Variants in TNS1 observed in about 807,000 individuals in gnomAD.
TNS1 encodes the protein tensin 1.
In TNS1, 62 loss-of-function variants were observed where a neutral mutation model predicts 168.6. The ratio of observed to expected loss-of-function variants is 0.37; its 90% CI spans 0.30 to 0.45. The LOEUF is 0.45. Among genes scored for constraint, TNS1 ranks in the 20% least tolerant of loss-of-function variants. The pLI is 1.00. For missense variants in TNS1, 2,240 were observed against 2,339.4 expected (o/e 0.96, Z 0.88); for synonymous variants, 934 against 933.2 (o/e 1.00, Z -0.02).
chr2:217,817,812 T>C lies in TNS1; in HGVS notation c.4520A>G (p.Asn1507Ser), dbSNP rs1317712411. Residue 1507 changes from asparagine to serine, a missense_variant, in exon 24 of 33, where the codon AAC becomes AGC. By Grantham distance (46) the Asn-to-Ser change is conservative. This residue lies in a region of TNS1 where 2,131 missense variants were observed against 2,171.2 expected (regional missense o/e 0.98). Transcript: ENST00000682258. The part of the protein sequence containing the change: ...SVGDRAGSLP[N>S]YATINGKVSS... ...CACCTTCCCATTGATGGTGGCATAG[T>C]TGGGGAGGCTGCCTGCCCGGTCTCC... The C allele has an allele frequency of 3.1e-6, 5 of 1,614,092 alleles. No individual in the cohort carries two copies. The highest frequency in any genetic ancestry group is 1.3e-5 in the African/African-American group (1 of 74,934).
At chr2:218,031,138 GTGTA>G (rs1303290186) in intron 1 of TNS1, among the ~76,000 whole-genome samples, 2 of 142,316 alleles carry the variant, frequency 1.4e-5, no homozygotes, top group East Asian at 2.0e-4. Flanking sequence ...GTGTGTGTGT[GTGTA>G]TGTGTTGTGT....
upstream of TNS1, among the ~76,000 whole-genome samples, chr2:218,014,967 GT>G (rs1553627433): frequency 6.6e-6 from 1 of 152,076 alleles, no homozygotes; most frequent in Non-Finnish European, 1.5e-5. Context: ...AGCCATTTCT[GT>G]TTCCAAATCC....
chr2:217,940,447 C>T (rs533443658), intron 3 of TNS1, among the ~76,000 whole-genome samples: 8 of 152,338 alleles, frequency 5.3e-5, no homozygotes, highest in Non-Finnish European at 8.8e-5. Flanking sequence ...CTGTCCCCCT[C>T]GCTCCTGCCC....
intron 27 of TNS1, among the ~76,000 whole-genome samples, chr2:217,812,988 G>A (rs78297591): frequency 0.072 from 11,010 of 152,300 alleles, 509 homozygotes; most frequent in Non-Finnish European, 0.1. Context: ...CAGTTATAAT[G>A]ATAACAAGTC....
At chr2:217,908,227 C>T (rs1953935872) in intron 4 of TNS1, among the ~76,000 whole-genome samples, 1 of 152,166 alleles carries the variant, frequency 6.6e-6, no homozygotes, top group Non-Finnish European at 1.5e-5. Flanking sequence ...CTGGCACCCT[C>T]CTTTCTTCAC....
chr2:217,924,674 C>T (rs4672859), intron 3 of TNS1, among the ~76,000 whole-genome samples: 60,554 of 152,096 alleles, frequency 0.4, 16,182 homozygotes, highest in African/African-American at 0.77. Flanking sequence ...CTGATCTCTC[C>T]GAGACCCTCC....
intron 16 of TNS1, among the ~76,000 whole-genome samples, chr2:217,884,147 GTGGATGGATGGA>G (rs562041033): frequency 0.021 from 2,473 of 119,614 alleles, 75 homozygotes; most frequent in African/African-American, 0.078. Flanking sequence ...GGGTGGGTGG[GTGGATGGATGGA>G]TGGATGGATG....
chr2:218,030,886 A>C (rs62182258), intron 1 of TNS1, among the ~76,000 whole-genome samples: 5,494 of 151,922 alleles, frequency 0.036, 158 homozygotes, highest in Non-Finnish European at 0.051. Flanking sequence ...ACTGTGTGTA[A>C]GCGTGTGTGT....
At chr2:217,820,276 G>A (rs376858822) in intron 23 of TNS1, among the ~76,000 whole-genome samples, 19 of 152,312 alleles carry the variant, frequency 1.2e-4, no homozygotes, top group African/African-American at 4.3e-4. Context: ...CCTAATGCCA[G>A]GGCTCACTGA....
chr2:217,863,457 T>C (rs921987752), intron 18 of TNS1, among the ~76,000 whole-genome samples: 1 of 151,972 alleles, frequency 6.6e-6, no homozygotes, highest in African/African-American at 2.4e-5. Flanking sequence ...AACAAGCAAT[T>C]GTTGTGGTGG....
At position 218,033,641 on chromosome 2, in the gene TNS1, G is replaced by C. The variant is rs1176021110; in HGVS notation, c.156+179C>G. On this transcript the variant is annotated intron_variant, in intron 1 of 1. Coordinates refer to the TNS1 transcript ENST00000649572. The surrounding 1 kb of genome is among the most constrained non-coding windows in gnomAD (Gnocchi z 4.3). ...CAGGGGAGCCCTCTACCCAACTGGA[G>C]GCCCCTTCACCCGGTCGTGGTCCTT... Among the ~76,000 whole-genome samples the C allele has an allele frequency of 6.6e-6, 1 of 152,088 alleles. No homozygotes were observed. The highest frequency in any genetic ancestry group is 1.5e-5 in the Non-Finnish European group (1 of 68,000).
At chr2:217,922,736 C>T (rs1575089177) in intron 3 of TNS1, among the ~76,000 whole-genome samples, 1 of 152,188 alleles carries the variant, frequency 6.6e-6, no homozygotes, top group Middle Eastern at 3.4e-3. Context: ...CCTGGCCTCC[C>T]GAGGCAGAGG....
chr2:217,920,343 G>A, intron 3 of TNS1, 107 bp from the exon 4 acceptor site: 10 of 688,476 alleles, frequency 1.5e-5, no homozygotes, highest in Admixed American at 6.1e-5. Context: ...CCCTCACACG[G>A]GCTGACACCT....
At chr2:217,898,477 C>T (rs959786280) in intron 7 of TNS1, among the ~76,000 whole-genome samples, 4 of 152,184 alleles carry the variant, frequency 2.6e-5, no homozygotes, top group Admixed American at 6.5e-5. Flanking sequence ...GTGGAGTGGG[C>T]GGGAAACCTC....
At chr2:217,814,269 G>A (rs1159550362) in intron 25 of TNS1, among the ~76,000 whole-genome samples, 1 of 152,084 alleles carries the variant, frequency 6.6e-6, no homozygotes, top group African/African-American at 2.4e-5. Flanking sequence ...CCCTGCCTTG[G>A]CCTCCTGAAG....
At chr2:217,961,599 C>A (rs1474458458) in intron 3 of TNS1, among the ~76,000 whole-genome samples, 1 of 152,152 alleles carries the variant, frequency 6.6e-6, no homozygotes, top group African/African-American at 2.4e-5. Flanking sequence ...TTTGCACAAA[C>A]CCTCACAGAG....
intron 12 of TNS1, among the ~76,000 whole-genome samples, chr2:217,888,318 C>T (rs146840990): frequency 2.0e-5 from 3 of 152,310 alleles, no homozygotes; most frequent in Non-Finnish European, 4.4e-5. Flanking sequence ...CTGCTCCATT[C>T]CCTGCAAGTG....
At chr2:217,953,032 C>A (rs1957279092) in intron 3 of TNS1, among the ~76,000 whole-genome samples, 1 of 152,228 alleles carries the variant, frequency 6.6e-6, no homozygotes, top group Non-Finnish European at 1.5e-5. Flanking sequence ...AGCGCTCAGG[C>A]CTCTGCATCA....
At chr2:217,808,216 C>G in intron 31 of TNS1, 109 bp from the exon 32 acceptor site, 2 of 1,314,116 alleles carry the variant, frequency 1.5e-6, no homozygotes, top group Non-Finnish European at 2.1e-6. Context: ...GGAGCTGCCC[C>G]CCATTCCCCC....
Sources: allele counts gnomAD v4.1 joint callset (sites outside exome capture counted in the v4.1 genomes callset), GRCh38; gene constraint gnomAD v4.1.1; regional missense constraint gnomAD v4.1.1; non-coding constraint Gnocchi (gnomAD v3.1); transcripts MANE v1.5; gene names NCBI Gene and HGNC (gene_info 2026-07-23, HGNC 2026-07-21).